Variants in FHIP2A observed in about 807,000 individuals in gnomAD.
FHIP2A encodes FHF complex subunit HOOK interacting protein 2A, also known as family with sequence similarity 160 member B1.
FHIP2A carries 46 observed loss-of-function variants against 93.5 expected under a neutral mutation model. The observed-to-expected ratio is 0.49, with a 90% CI of 0.39 to 0.63. FHIP2A has a LOEUF of 0.63. Ranked by LOEUF, FHIP2A falls within the 20% of genes least tolerant of loss-of-function variation. FHIP2A has a pLI of 0.00. For synonymous variants in FHIP2A, 332 were observed against 326.5 expected, an observed-to-expected ratio of 1.02 and a Z score of -0.18; for missense variants, 769 against 909.7, an observed-to-expected ratio of 0.85 and a Z score of 1.99.
intron 12 of FHIP2A, among the ~76,000 whole-genome samples, chr10:114,848,234 A>G (rs1201577136): frequency 2.6e-5 from 4 of 152,094 alleles, no homozygotes; most frequent in Non-Finnish European, 1.5e-5. Context: ...CAAGATGCAA[A>G]ATTAGGGTAC....
intron 16 of FHIP2A, among the ~76,000 whole-genome samples, chr10:114,875,867 AAGAG>A (rs879449626): frequency 7.1e-6 from 1 of 140,732 alleles, no homozygotes; most frequent in South Asian, 2.2e-4. Flanking sequence ...GAAAGAAAGA[AAGAG>A]AAAGAAAGAA....
intron 16 of FHIP2A, among the ~76,000 whole-genome samples, chr10:114,892,547 A>G (rs1435976364): frequency 6.6e-6 from 1 of 152,122 alleles, no homozygotes; most frequent in African/African-American, 2.4e-5. Flanking sequence ...CTGAGGCAGG[A>G]GAATCGCCTG....
intron 13 of FHIP2A, among the ~76,000 whole-genome samples, chr10:114,854,380 T>C (rs1318035594): frequency 6.6e-6 from 1 of 152,094 alleles, no homozygotes; most frequent in East Asian, 1.9e-4. Context: ...TAATTCCAGC[T>C]ACTTGGGAGG....
Position 114,843,824 on chromosome 10 carries a change from A to T in FHIP2A, c.900A>T (p.Thr300=). 1 of 1,611,590 alleles carries T rather than the reference A, an allele frequency of 6.2e-7. No individual in the cohort carries two copies. Among genetic ancestry groups the T allele is most frequent in the Non-Finnish European group, 8.5e-7 (1 of 1,179,440 alleles). Residue 300 remains threonine, a synonymous_variant, in exon 7 of 17, where the codon ACA becomes ACT. Transcript: ENST00000369248. ...AGCCTGCGGCTGCAAAGTGCCTTACACAGAGCACTTGCTTGTGTGAACTAC... is the reference window on the plus strand; with the variant it reads ...AGCCTGCGGCTGCAAAGTGCCTTACTCAGAGCACTTGCTTGTGTGAACTAC... ...LPEPAAAKCL[T]QSTCLCELLT...
chr10:114,882,562 G>A (rs974476529), intron 16 of FHIP2A, among the ~76,000 whole-genome samples: 17 of 152,226 alleles, frequency 1.1e-4, no homozygotes, highest in East Asian at 1.9e-4. Context: ...AAGGTGGCTC[G>A]CACCTGTCAT....
chr10:114,855,152 A>G (rs774819895), intron 13 of FHIP2A, 45 bp from the exon 14 acceptor site: 3 of 1,568,712 alleles, frequency 1.9e-6, no homozygotes, highest in Non-Finnish European at 1.7e-6. Context: ...TTTCATCTTA[A>G]TTTGTTTTTG....
At chr10:114,827,457 C>G (rs2083583005) in intron 1 of FHIP2A, among the ~76,000 whole-genome samples, 1 of 152,030 alleles carries the variant, frequency 6.6e-6, no homozygotes, top group African/African-American at 2.4e-5. Flanking sequence ...TAAACAATGA[C>G]AAAAGTGGGA....
intron 15 of FHIP2A, 152 bp from the exon 16 acceptor site, chr10:114,861,079 A>C: frequency 9.6e-7 from 1 of 1,038,070 alleles, no homozygotes; most frequent in Non-Finnish European, 1.4e-6. Context: ...TTAAAGAATT[A>C]GGTATGAGTC....
intron 1 of FHIP2A, among the ~76,000 whole-genome samples, chr10:114,828,513 C>T (rs2083590393): frequency 6.6e-6 from 1 of 152,306 alleles, no homozygotes. Context: ...GTTTGTCCCA[C>T]TCGTGAATGC....
chr10:114,845,613 C>G (rs375793800), intron 8 of FHIP2A, 132 bp downstream of exon 8: 1 of 612,874 alleles, frequency 1.6e-6, no homozygotes, highest in East Asian at 2.8e-5. Context: ...AATAAGTAAA[C>G]AAAAAAGTGT....
In FHIP2A at chr10:114,870,308, A is replaced by G. The variant is rs192884419; in HGVS notation, c.2192+8974A>G. On this transcript the variant is annotated intron_variant, in intron 16 of 16. Transcript: ENST00000369250. Reference sequence around the variant, plus strand: ...TGTTATATTTAAAGACCTTGCTTTTATCTACAAACTCTTCAGAAATCCTTA... The same window carrying G: ...TGTTATATTTAAAGACCTTGCTTTTGTCTACAAACTCTTCAGAAATCCTTA... Among the ~76,000 whole-genome samples, 133 of 152,274 alleles carry G rather than the reference A, an allele frequency of 8.7e-4. 2 individuals are homozygous for G. The highest frequency in any genetic ancestry group is 4.3e-4 in the Non-Finnish European group (29 of 68,016).
chr10:114,843,344 T>G (rs1415688044), intron 6 of FHIP2A, 118 bp downstream of exon 6: 1 of 642,248 alleles, frequency 1.6e-6, no homozygotes, highest in East Asian at 3.8e-5. Flanking sequence ...CTTGCTGTGT[T>G]GTCCAGGCTG....
intron 16 of FHIP2A, among the ~76,000 whole-genome samples, chr10:114,871,336 A>G (rs754406228): frequency 6.6e-6 from 1 of 151,840 alleles, no homozygotes; most frequent in Non-Finnish European, 1.5e-5. Context: ...TATTCTTTAA[A>G]TCCTCCTAGA....
intron 5 of FHIP2A, among the ~76,000 whole-genome samples, chr10:114,840,775 A>G (rs548694152): frequency 1.1e-3 from 172 of 152,152 alleles, no homozygotes; most frequent in Non-Finnish European, 2.1e-3. Flanking sequence ...AAGGGAGCTG[A>G]TTTTGAGGGG....
chr10:114,870,221 C>T (rs1020627181), intron 16 of FHIP2A, among the ~76,000 whole-genome samples: 2 of 152,088 alleles, frequency 1.3e-5, no homozygotes, highest in Non-Finnish European at 2.9e-5. Context: ...TGACTGTCAA[C>T]CTTATTAGGT....
chr10:114,861,179 T>C (rs2083796348), intron 15 of FHIP2A, 52 bp from the exon 16 acceptor site: 4 of 1,596,846 alleles, frequency 2.5e-6, no homozygotes, highest in African/African-American at 2.7e-5. Context: ...GATCCTGAGG[T>C]TGTCTGTGTA....
At chr10:114,844,506 C>T (rs1231022968) in intron 7 of FHIP2A, among the ~76,000 whole-genome samples, 2 of 152,184 alleles carry the variant, frequency 1.3e-5, no homozygotes, top group Non-Finnish European at 2.9e-5. Flanking sequence ...TTGTATTTCT[C>T]TGTATTTTTA....
intron 13 of FHIP2A, among the ~76,000 whole-genome samples, chr10:114,853,879 C>T (rs1263720425): frequency 6.6e-6 from 1 of 151,936 alleles, no homozygotes; most frequent in South Asian, 2.1e-4. Context: ...CATGCCACTG[C>T]ACCCGACCAT....
At chr10:114,848,880 C>T in intron 13 of FHIP2A, 143 bp downstream of exon 13, 1 of 600,474 alleles carries the variant, frequency 1.7e-6, no homozygotes. Flanking sequence ...CAGTGTCTCA[C>T]ACCTGTAATC....
Sources: gnomAD v4.1 joint callset for allele counts (sites outside exome capture counted in the v4.1 genomes callset) on GRCh38, gnomAD v4.1.1 for gene constraint, MANE v1.5 for transcripts, NCBI Gene and HGNC (gene_info 2026-07-23, HGNC 2026-07-21) for gene names.